The following ZFC3H1 variants were observed in gnomAD, a reference collection of about 807,000 sequenced individuals.
The protein encoded by ZFC3H1 is zinc finger C3H1 domain-containing protein.
A neutral mutation model predicts 243.7 loss-of-function variants in ZFC3H1; 71 were observed. The observed-to-expected ratio is 0.29, with a 90% CI of 0.24 to 0.36. The LOEUF is 0.36. ZFC3H1 is among the 10% of genes least tolerant of loss of function. The pLI is 1.00. For missense variants in ZFC3H1, 1,966 were observed against 2,317.1 expected (o/e 0.85, Z 3.11); for synonymous variants, 838 against 813.0 (o/e 1.03, Z -0.52).
chr12:71,658,311 CAG>C (rs1280340294), intron 1 of ZFC3H1, among the ~76,000 whole-genome samples: 4 of 103,824 alleles, frequency 3.9e-5, no homozygotes, highest in African/African-American at 1.2e-4. Context: ...TTTTTTGAGA[CAG>C]AGTCTCGCAC....
intron 9 of ZFC3H1, 105 bp from the exon 10 acceptor site, chr12:71,635,685 G>T: frequency 8.8e-7 from 1 of 1,142,406 alleles, no homozygotes; most frequent in Non-Finnish European, 1.2e-6. Flanking sequence ...ACAGTCTATG[G>T]CTCCTTCTAG....
intron 1 of ZFC3H1, among the ~76,000 whole-genome samples, chr12:71,659,199 A>G (rs998649795): frequency 1.5e-5 from 2 of 136,910 alleles, no homozygotes; most frequent in African/African-American, 7.4e-5. Flanking sequence ...TACCCTGGTG[A>G]TAAGATATTT....
intron 27 of ZFC3H1, among the ~76,000 whole-genome samples, chr12:71,618,293 AAAAC>A (rs919145011): frequency 1.3e-5 from 2 of 149,792 alleles, no homozygotes; most frequent in Non-Finnish European, 2.9e-5. Context: ...AAAAAAAACA[AAAAC>A]AAAAAACAAG....
chr12:71,663,429 G>T lies in ZFC3H1; in HGVS notation c.182C>A (p.Ala61Asp). Residue 61 changes from alanine (A) to aspartate (D), a missense_variant, in exon 1 of 35, where the codon GCC becomes GAC. Coordinates refer to ENST00000378743, the MANE Select transcript of ZFC3H1 (RefSeq NM_144982.5). ...GCCTCCGCCAGATCCACCGCCCCGGGCCGAGTGAGGAGGCCTTCGCCGCGG... is the reference window on the plus strand; with the variant it reads ...GCCTCCGCCAGATCCACCGCCCCGGTCCGAGTGAGGAGGCCTTCGCCGCGG... ...PYPRRRPPHS[A>D]RGGGSGGGGG... 1.2e-6 allele frequency: 2 copies of T among 1,611,826 alleles called. No individual in the cohort carries two copies. Among genetic ancestry groups the T allele is most frequent in the South Asian group, 1.1e-5 (1 of 91,082 alleles).
In ZFC3H1 at chr12:71,629,694, T is replaced by G. The variant is rs1880272147; in HGVS notation, c.3741A>C (p.Lys1247Asn). ...ITASAEKYVE[K>N]LFGVNKDRMS... ...TTCGATCTTTGTTTACTCCAAAAAG[T>G]TTCTCAACATATTTTTCTGAAATAA... Residue 1247 changes from lysine (K) to asparagine (N), a missense_variant, in exon 19 of 35, where the codon AAA becomes AAC. Physicochemically the swap from Lys to Asn is moderately conservative, Grantham distance 94. Coordinates refer to ENST00000378743, the MANE Select transcript of ZFC3H1 (RefSeq NM_144982.5). 3.7e-6 allele frequency: 6 copies of G among 1,611,710 alleles called. No individual in the cohort carries two copies. The South Asian group carries it at 6.6e-5, about 18-fold the overall frequency.
rs751371233 is a variant in ZFC3H1 at position 71,642,387 on chromosome 12, T to C, written c.1627+49A>G. On this transcript the variant is annotated intron_variant, in intron 6 of 34. Coordinates refer to ENST00000378743, the MANE Select transcript of ZFC3H1 (RefSeq NM_144982.5). ...GTTTTGAGTACCATAATGACTATTC[T>C]CTATTTAATACATGTAAATACACAA... 3.2e-6 allele frequency: 5 copies of C among 1,560,966 alleles called. No homozygotes were observed. In the South Asian group the frequency reaches 4.9e-5, roughly 15 times the overall value.
chr12:71,645,483 T>C (rs1173172242), intron 3 of ZFC3H1, among the ~76,000 whole-genome samples: 1 of 152,206 alleles, frequency 6.6e-6, no homozygotes, highest in African/African-American at 2.4e-5. Flanking sequence ...AGTGGTTCCC[T>C]GATCATGTGA....
chr12:71,656,864 T>C (rs1037695597), intron 2 of ZFC3H1, 21 bp downstream of exon 2: 4 of 1,583,448 alleles, frequency 2.5e-6, no homozygotes, highest in African/African-American at 1.4e-5. Flanking sequence ...CATTACTAAC[T>C]GAAATATTTA....
chr12:71,656,625 A>G (rs1029093939), intron 2 of ZFC3H1: 1 of 606,652 alleles, frequency 1.6e-6, no homozygotes, highest in Non-Finnish European at 2.9e-6. Context: ...TTAAATTAGG[A>G]AACAAAGGTG....
chr12:71,639,482 C>A, intron 6 of ZFC3H1: 3 of 203,318 alleles, frequency 1.5e-5, no homozygotes, highest in South Asian at 7.1e-5. Context: ...TAGTCAGACA[C>A]TTGATGGTGC....
Position 71,613,341 on chromosome 12 carries a change from G to C in ZFC3H1, c.5621C>G (p.Ala1874Gly), listed in dbSNP as rs370435485. 6.2e-7 allele frequency: 1 copy of C among 1,608,664 alleles called. No homozygotes were observed. Among genetic ancestry groups the C allele is most frequent in the Non-Finnish European group, 8.5e-7 (1 of 1,176,640 alleles). Residue 1874 changes from alanine (A) to glycine (G), a missense_variant, in exon 31 of 35, where the codon GCA (alanine) becomes GGA (glycine). Ala to Gly is a moderately conservative substitution (Grantham distance 60). Coordinates refer to ENST00000378743, the MANE Select transcript of ZFC3H1 (RefSeq NM_144982.5). ...CSVMPANSGL[A>G]LRLLQHEWEE... ...AATGTTAAGTTTTTCTTACCTCAAT[G>C]CAAGTCCAGAATTAGCTGGCATAAC...
In ZFC3H1 at chr12:71,657,727, G is replaced by A. The variant is rs182653477; in HGVS notation, c.599-426C>T. 4.5e-3 allele frequency among the ~76,000 whole-genome samples: 684 copies of A among 152,244 alleles called. 6 individuals carry two copies. The highest frequency in any genetic ancestry group is 0.016 in the African/African-American group (654 of 41,552). On this transcript the variant is annotated intron_variant, in intron 1 of 34. Coordinates refer to ENST00000378743, the MANE Select transcript of ZFC3H1 (RefSeq NM_144982.5). ...CAGGGGGCCAGGCGCGGTGGCTCAC[G>A]CCTGTAATCCCAGCACTTTGGGAGG...
chr12:71,641,973 C>T lies in ZFC3H1; in HGVS notation c.1627+463G>A, dbSNP rs562808106. Among the ~76,000 whole-genome samples the T allele has an allele frequency of 7.2e-5, 11 of 152,254 alleles. No homozygotes were observed. In the South Asian group the frequency reaches 2.3e-3, roughly 32 times the overall value. On this transcript the variant is annotated intron_variant, in intron 6 of 34. Coordinates refer to ENST00000378743, the MANE Select transcript of ZFC3H1 (RefSeq NM_144982.5). ...CAAGAAATTCTCATGCCTTAGCCTC[C>T]CAAGAAGCTGGGATTAAAGGCACAT...
chr12:71,645,477 G>C (rs1880706502), intron 3 of ZFC3H1, among the ~76,000 whole-genome samples: 1 of 152,182 alleles, frequency 6.6e-6, no homozygotes, highest in African/African-American at 2.4e-5. Flanking sequence ...GAAGGAAGTG[G>C]TTCCCTGATC....
chr12:71,637,104 C>T (rs769503259), intron 7 of ZFC3H1, 45 bp from the exon 8 acceptor site: 2 of 1,504,820 alleles, frequency 1.3e-6, no homozygotes, highest in Admixed American at 3.9e-5. Context: ...ATTTTATCAA[C>T]TCAAATGCTT....
chr12:71,620,595 C>T (rs1880001856), intron 24 of ZFC3H1, among the ~76,000 whole-genome samples: 1 of 152,050 alleles, frequency 6.6e-6, no homozygotes, highest in Non-Finnish European at 1.5e-5. Flanking sequence ...TTCATTTAAA[C>T]AAGTATCTCT....
In ZFC3H1 at chr12:71,663,537, C is replaced by G; in HGVS notation, c.74G>C (p.Gly25Ala). Residue 25 changes from glycine (G) to alanine (A), a missense_variant, in exon 1 of 35, where the codon GGG becomes GCG. Gly to Ala is a moderately conservative substitution (Grantham distance 60). Around this residue, in one of 4 missense-constraint regions of ZFC3H1, gnomAD observed 484 missense variants for 449.7 expected, o/e 1.08. Coordinates refer to ENST00000378743, the MANE Select transcript of ZFC3H1 (RefSeq NM_144982.5). ...SPKEEGELED[G>A]EISDDDNNSQ... ...GTTATTATCGTCGTCACTGATTTCC[C>G]CATCTTCAAGCTCCCCTTCTTCCTT... The G allele has an allele frequency of 6.2e-7, 1 of 1,613,602 alleles. No individual in the cohort carries two copies. Among genetic ancestry groups the G allele is most frequent in the Non-Finnish European group, 8.5e-7 (1 of 1,180,044 alleles).
chr12:71,617,780 A>C (rs1444170696), intron 27 of ZFC3H1, among the ~76,000 whole-genome samples: 2 of 152,206 alleles, frequency 1.3e-5, no homozygotes, highest in African/African-American at 4.8e-5. Flanking sequence ...TTTGCATTTA[A>C]AATTATTTCA....
rs749922674 is a variant in ZFC3H1, at chr12:71,644,275, T to C, written c.1323A>G (p.Lys441=). The C allele has an allele frequency of 1.2e-6, 2 of 1,613,506 alleles. No homozygotes were observed. The highest frequency in any genetic ancestry group is 1.7e-6 in the Non-Finnish European group (2 of 1,179,762). ...TTTCCTGCTCTTTTTGTTGTTGTAG[T>C]TTCTTCCATGCCTTTGTTTGCTGCT... ...LRKQQTKAWK[K]LQQQKEQERQ... Residue 441 remains lysine, a synonymous_variant, in exon 5 of 35, where the codon AAA becomes AAG. Transcript: ENST00000378743.
Sources: allele counts gnomAD v4.1 joint callset (sites outside exome capture counted in the v4.1 genomes callset), GRCh38; gene constraint gnomAD v4.1.1; regional missense constraint gnomAD v4.1.1; transcripts MANE v1.5; gene names NCBI Gene and HGNC (gene_info 2026-07-23, HGNC 2026-07-21).